The following FOXN3 variants were observed in gnomAD, a reference collection of about 807,000 sequenced individuals.
FOXN3 encodes forkhead box protein N3.
FOXN3 carries 7 observed loss-of-function variants against 38.4 expected under a neutral mutation model. The ratio of observed to expected loss-of-function variants is 0.18; its 90% CI spans 0.10 to 0.34. The LOEUF is 0.34. FOXN3 is among the 10% of genes least tolerant of loss of function. FOXN3 has a pLI of 1.00. For synonymous variants in FOXN3, 230 were observed against 242.2 expected (o/e 0.95, Z 0.47); for missense variants, 456 against 613.4 (o/e 0.74, Z 2.71).
intron 1 of FOXN3, among the ~76,000 whole-genome samples, chr14:89,571,670 T>C (rs1030025454): frequency 3.3e-5 from 5 of 152,184 alleles, no homozygotes; most frequent in African/African-American, 9.6e-5. Flanking sequence ...AAAGCAGCCA[T>C]AGACAACACC....
At chr14:89,278,591 T>C (rs1886368582) in intron 4 of FOXN3, among the ~76,000 whole-genome samples, 1 of 152,156 alleles carries the variant, frequency 6.6e-6, no homozygotes, top group Non-Finnish European at 1.5e-5. Context: ...TAAAGAAAGA[T>C]TCCCACGTCA....
intron 1 of FOXN3, among the ~76,000 whole-genome samples, chr14:89,480,428 C>T (rs1596291562): frequency 1.3e-5 from 2 of 151,768 alleles, no homozygotes; most frequent in African/African-American, 4.8e-5. Flanking sequence ...GGTTTGAGAA[C>T]ATCACAGGAA....
At chr14:89,341,335 T>G (rs1354477741) in intron 3 of FOXN3, among the ~76,000 whole-genome samples, 1 of 152,194 alleles carries the variant, frequency 6.6e-6, no homozygotes, top group Non-Finnish European at 1.5e-5. Flanking sequence ...ATCTGTCCTC[T>G]CTGATGGTGA....
intron 1 of FOXN3, among the ~76,000 whole-genome samples, chr14:89,565,982 C>T (rs919864406): frequency 1.3e-5 from 2 of 152,134 alleles, no homozygotes; most frequent in Non-Finnish European, 2.9e-5. Context: ...TGCTGTGTAG[C>T]GAAGGGGTAA....
chr14:89,350,926 T>C, intron 2 of FOXN3, 118 bp from the exon 3 acceptor site: 2 of 712,216 alleles, frequency 2.8e-6, no homozygotes, highest in Non-Finnish European at 4.2e-6. Flanking sequence ...TTGTTGACTG[T>C]TTGCCAGCCT....
At chr14:89,591,795 C>T (rs1414459274) in intron 1 of FOXN3, among the ~76,000 whole-genome samples, 2 of 152,108 alleles carry the variant, frequency 1.3e-5, no homozygotes, top group African/African-American at 4.8e-5. Flanking sequence ...AGTGGTGGCA[C>T]ATGCCCGTAG....
intron 1 of FOXN3, among the ~76,000 whole-genome samples, chr14:89,582,648 T>C (rs963263277): frequency 9.9e-5 from 15 of 152,066 alleles, no homozygotes; most frequent in African/African-American, 3.4e-4. Flanking sequence ...AACAGCTTTA[T>C]TGGGATATTA....
At chr14:89,428,495 A>AT (rs1892089463) in intron 1 of FOXN3, among the ~76,000 whole-genome samples, 1 of 152,206 alleles carries the variant, frequency 6.6e-6, no homozygotes, top group Non-Finnish European at 1.5e-5. Flanking sequence ...TTCTGTGGGT[A>AT]TGTTCAACAG....
intron 4 of FOXN3, among the ~76,000 whole-genome samples, chr14:89,272,184 C>T (rs1239527549): frequency 2.0e-5 from 3 of 152,082 alleles, no homozygotes; most frequent in Non-Finnish European, 2.9e-5. Context: ...TGGTGGCACG[C>T]GTCTCTAATC....
chr14:89,457,097 T>G (rs995025300), intron 1 of FOXN3, among the ~76,000 whole-genome samples: 1 of 152,228 alleles, frequency 6.6e-6, no homozygotes, highest in Non-Finnish European at 1.5e-5. Context: ...ACAATTCAAG[T>G]CTACAGCTTG....
At chr14:89,322,098 C>T (rs1370839080) in intron 3 of FOXN3, among the ~76,000 whole-genome samples, 1 of 152,246 alleles carries the variant, frequency 6.6e-6, no homozygotes, top group African/African-American at 2.4e-5. Flanking sequence ...CTTAAAGTTC[C>T]TCCCGGCTTG....
chr14:89,160,939 A>T lies in FOXN3; in HGVS notation c.*1475T>A, dbSNP rs1314474384. The stretch of plus-strand genomic sequence containing the variant: ...AAACAAAAAGGAAAAAAAGAAAGCA[A>T]AGAAAAGGAAAGAAAAAAGAAGAAA... On this transcript the variant is annotated 3_prime_UTR_variant, in exon 6 of 6. Coordinates refer to ENST00000557258, the MANE Select transcript of FOXN3 (RefSeq NM_005197.4). 1 of 152,258 alleles carries T rather than the reference A, an allele frequency of 6.6e-6. No homozygotes were observed. The highest frequency in any genetic ancestry group is 2.4e-5 in the African/African-American group (1 of 41,452). 9.4% of individuals were successfully genotyped at this position (152,258 alleles called of 1,614,324 possible). A position where few individuals can be genotyped will look rare whatever the true frequency, so the allele number is the denominator to read the frequency against.
At chr14:89,491,223 G>A (rs1402172803) in intron 1 of FOXN3, among the ~76,000 whole-genome samples, 1 of 151,650 alleles carries the variant, frequency 6.6e-6, no homozygotes, top group African/African-American at 2.4e-5. Flanking sequence ...TGATCTTCCC[G>A]CCTCAGCCTC....
At chr14:89,395,862 A>G (rs773099498) in intron 2 of FOXN3, among the ~76,000 whole-genome samples, 2 of 152,164 alleles carry the variant, frequency 1.3e-5, no homozygotes, top group Non-Finnish European at 2.9e-5. Context: ...GATAATGAAC[A>G]TAGAGTTTAT....
chr14:89,159,925 T>C lies in FOXN3; in HGVS notation c.*2489A>G, dbSNP rs1169929559. The C allele has an allele frequency of 6.6e-6, 1 of 152,190 alleles. No homozygotes were observed. Among genetic ancestry groups the C allele is most frequent in the Non-Finnish European group, 1.5e-5 (1 of 68,048 alleles). 9.4% of individuals were successfully genotyped at this position (152,190 alleles called of 1,614,324 possible). A position where few individuals can be genotyped will look rare whatever the true frequency, so the allele number is the denominator to read the frequency against. On this transcript the variant is annotated 3_prime_UTR_variant, in exon 6 of 6. Transcript: ENST00000557258. ...TCATGAATTCGACCTGCTGTAGAGGTGTAGGTTTTTTCAGGTTCTCTCATC... is the reference window on the plus strand; with the variant it reads ...TCATGAATTCGACCTGCTGTAGAGGCGTAGGTTTTTTCAGGTTCTCTCATC...
intron 2 of FOXN3, among the ~76,000 whole-genome samples, chr14:89,407,765 A>C (rs997179975): frequency 6.6e-6 from 1 of 152,156 alleles, no homozygotes; most frequent in Non-Finnish European, 1.5e-5. Context: ...TGAGAGTCTG[A>C]GGCTGCAATA....
chr14:89,523,068 C>T (rs899754322), intron 1 of FOXN3, among the ~76,000 whole-genome samples: 1 of 151,864 alleles, frequency 6.6e-6, no homozygotes, highest in African/African-American at 2.4e-5. Flanking sequence ...CTCGAATAGC[C>T]CTATTAATAT....
At chr14:89,288,160 C>A (rs1886694400) in intron 3 of FOXN3, among the ~76,000 whole-genome samples, 1 of 152,102 alleles carries the variant, frequency 6.6e-6, no homozygotes, top group Non-Finnish European at 1.5e-5. Flanking sequence ...AGAAACCTAC[C>A]AAGAGTGGCC....
intron 1 of FOXN3, among the ~76,000 whole-genome samples, chr14:89,537,869 A>T (rs1894719933): frequency 6.6e-6 from 1 of 152,242 alleles, no homozygotes; most frequent in African/African-American, 2.4e-5. Context: ...AACAAGAGAG[A>T]AGCCTATGAG....
Sources: gnomAD v4.1 joint callset for allele counts (sites outside exome capture counted in the v4.1 genomes callset) on GRCh38, gnomAD v4.1.1 for gene constraint, MANE v1.5 for transcripts, NCBI Gene and HGNC (gene_info 2026-07-23, HGNC 2026-07-21) for gene names.